Variants in MTMR7 observed in about 807,000 individuals in gnomAD.
MTMR7 encodes the protein phosphatidylinositol-3-phosphate phosphatase MTMR7.
A neutral mutation model predicts 81.2 loss-of-function variants in MTMR7; 76 were observed. The observed-to-expected ratio is 0.94, with a 90% CI of 0.78 to 1.13. The LOEUF (loss-of-function observed/expected upper bound fraction) is 1.13. Ranked by LOEUF, MTMR7 falls within the 50% of genes most tolerant of loss-of-function variation. The pLI is 0.00. For synonymous variants in MTMR7, 372 were observed against 289.8 expected (o/e 1.28, Z -2.88); for missense variants, 1,044 against 820.0 (o/e 1.27, Z -3.34).
rs772195100 is a variant in MTMR7 at position 17,339,345 on chromosome 8, T to G, written c.732+2018A>C. ...GGTGTTTGGTATACCCACAGAGTTGTGCAACCATCACCATGATCTCATTTT... is the reference window on the plus strand; with the variant it reads ...GGTGTTTGGTATACCCACAGAGTTGGGCAACCATCACCATGATCTCATTTT... On this transcript the variant is annotated intron_variant, in intron 6 of 13. Coordinates refer to ENST00000180173, the MANE Select transcript of MTMR7 (RefSeq NM_004686.5). 2.0e-5 allele frequency among the ~76,000 whole-genome samples: 3 copies of G among 152,332 alleles called. No homozygotes were observed. In the East Asian group the frequency reaches 5.8e-4, roughly 29 times the overall value.
At position 17,361,143 on chromosome 8, in the gene MTMR7, G is replaced by A; in HGVS notation, c.442C>T (p.Leu148Phe). 1 of 1,614,144 alleles carries A rather than the reference G, an allele frequency of 6.2e-7. No homozygotes were observed. The highest frequency in any genetic ancestry group is 8.5e-7 in the Non-Finnish European group (1 of 1,180,026). Reference sequence around the variant, plus strand: ...CTGTAGTCTCTATTCACATCGCTGAGCTGCCAGTAATGATTAGGGAGGCCC... The same window carrying A: ...CTGTAGTCTCTATTCACATCGCTGAACTGCCAGTAATGATTAGGGAGGCCC... ...RMGLPNHYWQ[L>F]SDVNRDYRVC... is the part of the protein sequence containing the mutation. The change falls in exon 4 of 14, where the codon CTC (leucine) becomes TTC (phenylalanine). Residue 148 changes from leucine to phenylalanine, a missense_variant. Transcript: ENST00000180173.
At chr8:17,304,564 TAC>T in intron 11 of MTMR7, 45 bp from the exon 12 acceptor site, 10 of 1,583,160 alleles carry the variant, frequency 6.3e-6, no homozygotes, top group Non-Finnish European at 8.7e-6. Context: ...TTTTGGTGCT[TAC>T]ACACAGTAGA....
chr8:17,371,952 G>A (rs537191888), intron 2 of MTMR7, among the ~76,000 whole-genome samples: 2 of 146,864 alleles, frequency 1.4e-5, no homozygotes, highest in Admixed American at 1.4e-4. Context: ...ACCTTGCTGT[G>A]CAATAGATTT....
At chr8:17,333,289 T>C (rs1288969921) in intron 6 of MTMR7, among the ~76,000 whole-genome samples, 1 of 152,248 alleles carries the variant, frequency 6.6e-6, no homozygotes, top group Non-Finnish European at 1.5e-5. Context: ...GTTCACACTT[T>C]AAGAAGTATA....
In MTMR7 at chr8:17,413,269, C is replaced by T; in HGVS notation, c.24G>A (p.Lys8=). MEHIRTP[K]VENVRLVDRV... Reference sequence around the variant, plus strand: ...CTCCGCCCGCGCTGGTGTCACCAACCTTGGGCGTACGGATGTGCTCCATGG... The same window carrying T: ...CTCCGCCCGCGCTGGTGTCACCAACTTTGGGCGTACGGATGTGCTCCATGG... The change falls in exon 1 of 14, where the codon AAG becomes AAA. Residue 8 remains lysine, a splice_region_variant and synonymous_variant. Coordinates refer to ENST00000180173, the MANE Select transcript of MTMR7 (RefSeq NM_004686.5). The T allele has an allele frequency of 1.3e-6, 2 of 1,548,386 alleles. No individual in the cohort carries two copies. The highest frequency in any genetic ancestry group is 1.4e-5 in the African/African-American group (1 of 72,982).
intron 3 of MTMR7, among the ~76,000 whole-genome samples, chr8:17,370,663 T>C (rs2150564658): frequency 6.7e-6 from 1 of 148,972 alleles, no homozygotes. Context: ...AACTGTCTGA[T>C]AACATTTTCC....
chr8:17,328,683 G>A (rs922303610), intron 7 of MTMR7, among the ~76,000 whole-genome samples: 4 of 152,006 alleles, frequency 2.6e-5, no homozygotes, highest in Non-Finnish European at 2.9e-5. Flanking sequence ...GTTCACTTAT[G>A]TACATCCTGC....
At chr8:17,328,813 CATTA>C (rs1003372498) in intron 7 of MTMR7, among the ~76,000 whole-genome samples, 3 of 152,200 alleles carry the variant, frequency 2.0e-5, no homozygotes, top group African/African-American at 7.2e-5. Flanking sequence ...AAAATCACTT[CATTA>C]AATAACAAAA....
At chr8:17,338,760 CT>C (rs1819324548) in intron 6 of MTMR7, 1 of 150,144 alleles carries the variant, frequency 6.7e-6, no homozygotes, top group Non-Finnish European at 1.5e-5. Context: ...AAACTTTTAT[CT>C]GTGTGTCGTG....
At position 17,332,033 on chromosome 8, in the gene MTMR7, A is replaced by C. The variant is rs1366861858; in HGVS notation, c.733-751T>G. Among the ~76,000 whole-genome samples, 6 of 151,998 alleles carry C rather than the reference A, an allele frequency of 3.9e-5. No individual in the cohort carries two copies. The East Asian group carries it at 1.2e-3, about 29-fold the overall frequency. The stretch of plus-strand genomic sequence containing the variant: ...TGTCCTAGCCTGCGTGGCTAAAATC[A>C]AGAAGGGGACAAGTCCTACTTTAGC... On this transcript the variant is annotated intron_variant, in intron 6 of 13. Transcript: ENST00000180173.
At chr8:17,407,733 G>GA (rs146096759) in intron 1 of MTMR7, among the ~76,000 whole-genome samples, 14 of 151,792 alleles carry the variant, frequency 9.2e-5, no homozygotes, top group African/African-American at 2.9e-4. Flanking sequence ...TGCACGCAAA[G>GA]AAAAAAAACA....
intron 2 of MTMR7, among the ~76,000 whole-genome samples, chr8:17,371,944 C>T (rs1820435800): frequency 1.3e-5 from 2 of 148,690 alleles, no homozygotes; most frequent in Admixed American, 1.4e-4. Flanking sequence ...GTATGGTCAC[C>T]TTGCTGTGCA....
chr8:17,346,525 G>C (rs1819555561), intron 5 of MTMR7, among the ~76,000 whole-genome samples: 1 of 152,060 alleles, frequency 6.6e-6, no homozygotes, highest in South Asian at 2.1e-4. Context: ...GAGCCATGTG[G>C]GTCTGAGGTC....
intron 1 of MTMR7, among the ~76,000 whole-genome samples, chr8:17,402,430 G>C (rs1821454066): frequency 6.6e-6 from 1 of 152,192 alleles, no homozygotes; most frequent in East Asian, 1.9e-4. Flanking sequence ...CCCAGCCTCT[G>C]ATAACCATCC....
chr8:17,365,933 A>G (rs1237457025), intron 3 of MTMR7, among the ~76,000 whole-genome samples: 1 of 152,184 alleles, frequency 6.6e-6, no homozygotes, highest in African/African-American at 2.4e-5. Context: ...CATGAGCTCA[A>G]CCCAAACACA....
chr8:17,302,180 C>T lies in MTMR7; in HGVS notation c.1594G>A (p.Glu532Lys), dbSNP rs778518415. Residue 532 changes from glutamate to lysine, a missense_variant, in exon 13 of 14, where the codon GAG (glutamate) becomes AAG (lysine). Coordinates refer to ENST00000180173, the MANE Select transcript of MTMR7 (RefSeq NM_004686.5). ...MAVKEETQQL[E>K]EELEALEERL... is the part of the protein sequence containing the mutation. The stretch of plus-strand genomic sequence containing the variant: ...TCTTCCAGGGCCTCTAGTTCTTCCT[C>T]TAGCTGCTGAGTTTCTTCCTTCACT... 1 of 1,614,148 alleles carries T rather than the reference C, an allele frequency of 6.2e-7. No individual in the cohort carries two copies. The highest frequency in any genetic ancestry group is 1.1e-5 in the South Asian group (1 of 91,090).
intron 1 of MTMR7, among the ~76,000 whole-genome samples, chr8:17,377,438 C>T (rs1278200333): frequency 6.6e-6 from 1 of 151,980 alleles, no homozygotes; most frequent in Admixed American, 6.6e-5. Context: ...TTTCTTTTTA[C>T]CTCTTTGTGA....
At chr8:17,401,025 A>T (rs1585124067) in intron 1 of MTMR7, among the ~76,000 whole-genome samples, 1 of 152,200 alleles carries the variant, frequency 6.6e-6, no homozygotes, top group East Asian at 1.9e-4. Flanking sequence ...ATCCATATTC[A>T]TTCATTCAGT....
At chr8:17,300,262 A>G in intron 13 of MTMR7, 38 bp from the exon 14 acceptor site, 1 of 1,568,350 alleles carries the variant, frequency 6.4e-7, no homozygotes, top group Non-Finnish European at 8.6e-7. Context: ...AAAAATCATA[A>G]ATAACTTATC....
Sources: allele counts gnomAD v4.1 joint callset (sites outside exome capture counted in the v4.1 genomes callset), GRCh38; gene constraint gnomAD v4.1.1; transcripts MANE v1.5; gene names NCBI Gene and HGNC (gene_info 2026-07-23, HGNC 2026-07-21).